Variants in TMPRSS13 observed in about 807,000 individuals in gnomAD.
TMPRSS13 encodes the protein transmembrane serine protease 13.
A neutral mutation model predicts 68.4 loss-of-function variants in TMPRSS13; 50 were observed. That is an observed-to-expected ratio of 0.73 (90% CI 0.58 to 0.93). The LOEUF (loss-of-function observed/expected upper bound fraction) is 0.93. Among genes scored for constraint, TMPRSS13 ranks in the 40% least tolerant of loss-of-function variants. TMPRSS13 has a pLI of 0.00. For missense variants in TMPRSS13, 615 were observed against 729.2 expected (o/e 0.84, Z 1.80); for synonymous variants, 267 against 285.8 (o/e 0.93, Z 0.66).
chr11:117,917,619 G>A (rs564012316), intron 2 of TMPRSS13, among the ~76,000 whole-genome samples: 5 of 152,300 alleles, frequency 3.3e-5, no homozygotes, highest in South Asian at 2.1e-4. Flanking sequence ...ACTGAGGTTC[G>A]TGGAAGTGAA....
In TMPRSS13 at chr11:117,914,463, C is replaced by T; in HGVS notation, c.608G>A (p.Ser203Asn). The T allele has an allele frequency of 6.2e-7, 1 of 1,614,086 alleles. No individual in the cohort carries two copies. The highest frequency in any genetic ancestry group is 8.5e-7 in the Non-Finnish European group (1 of 1,180,018). The change falls in exon 4 of 13, where the codon AGC becomes AAC. Residue 203 changes from serine (S) to asparagine (N), a missense_variant. Physicochemically the swap from Ser to Asn is conservative, Grantham distance 46. Coordinates refer to ENST00000524993, the MANE Select transcript of TMPRSS13 (RefSeq NM_001077263.3). This position sits in a 1 kb window ranked among gnomAD's most constrained non-coding sequence, Gnocchi z 4.2. ...TGIRYKEQRE[S>N]CPKHAVRCDG... ...ACAGCGAACAGCGTGCTTGGGACAG[C>T]TCTCCCTCTGCTCCTTGTACCTGAT...
intron 1 of TMPRSS13, among the ~76,000 whole-genome samples, chr11:117,928,450 AGT>A (rs2057728429): frequency 2.0e-5 from 3 of 152,196 alleles, no homozygotes; most frequent in Non-Finnish European, 4.4e-5. Context: ...TCCCAAACCC[AGT>A]GCTAGCCCAT....
At chr11:117,919,333 G>A (rs1049253868) in intron 1 of TMPRSS13, among the ~76,000 whole-genome samples, 2 of 152,222 alleles carry the variant, frequency 1.3e-5, no homozygotes, top group Admixed American at 6.5e-5. Context: ...AGCTGTAATC[G>A]CTAGTTAAGC....
In TMPRSS13 at chr11:117,901,758, G is replaced by A. The variant is rs374990962; in HGVS notation, c.*481C>T. 1.8e-3 allele frequency: 300 copies of A among 170,028 alleles called. 3 individuals carry two copies. Among genetic ancestry groups the A allele is most frequent in the African/African-American group, 5.9e-3 (251 of 42,428 alleles). 10.5% of individuals were successfully genotyped at this position (170,028 alleles called of 1,614,324 possible). ...AAGCCAACGGGAGCAGCTTTTCACC[G>A]AAGACGGTCCAGGCCCTGGGAAGCT... On this transcript the variant is annotated 3_prime_UTR_variant, in exon 13 of 13. Transcript: ENST00000524993.
chr11:117,905,482 A>T (rs1182833038), intron 10 of TMPRSS13, among the ~76,000 whole-genome samples, 156 bp downstream of exon 10: 28 of 152,080 alleles, frequency 1.8e-4, no homozygotes, highest in Non-Finnish European at 1.5e-5. Flanking sequence ...GTGTCTATAC[A>T]CACATAATCA....
In TMPRSS13 at chr11:117,909,364, C is replaced by T. The variant is rs576593942; in HGVS notation, c.1109+442G>A. On this transcript the variant is annotated intron_variant, in intron 8 of 12. Transcript: ENST00000524993. ...CCTGCCCACCAGCCTGGGCTGTGGG[C>T]CCCCAAAGACAATAGACCAGCTGGT... 2.0e-5 allele frequency among the ~76,000 whole-genome samples: 3 copies of T among 152,268 alleles called. No individual in the cohort carries two copies. In the East Asian group the frequency reaches 5.8e-4, roughly 29 times the overall value.
chr11:117,911,625 C>G (rs1424379431), intron 6 of TMPRSS13, 143 bp downstream of exon 6: 1 of 633,870 alleles, frequency 1.6e-6, no homozygotes, highest in African/African-American at 1.8e-5. Flanking sequence ...GGACTATTTC[C>G]AAGATGCCCC....
Position 117,905,633 on chromosome 11 carries a change from C to A in TMPRSS13, c.1381+5G>T. ...TACACACAACCAAGCATCTTTGCCT[C>A]TTACCATCTGTCTCCCTGGTCTTGC... On this transcript the variant is annotated splice_donor_5th_base_variant and intron_variant, in intron 10 of 12. Coordinates refer to ENST00000524993, the MANE Select transcript of TMPRSS13 (RefSeq NM_001077263.3). 1 of 1,592,754 alleles carries A rather than the reference C, an allele frequency of 6.3e-7. No homozygotes were observed. Among genetic ancestry groups the A allele is most frequent in the South Asian group, 1.1e-5 (1 of 87,990 alleles).
chr11:117,919,133 G>A (rs751476656), intron 1 of TMPRSS13, among the ~76,000 whole-genome samples: 6 of 152,166 alleles, frequency 3.9e-5, no homozygotes, highest in African/African-American at 9.7e-5. Context: ...CTTAGGCTAC[G>A]CATGTCTAGG....
rs942446447 is a variant in TMPRSS13, at chr11:117,917,109, C to G, written c.556+61G>C. On this transcript the variant is annotated intron_variant, in intron 3 of 12. Transcript: ENST00000524993. Reference sequence around the variant, plus strand: ...CTGTCTCCCCTGCCTGCCCCCATCCCTGGGTCCCACTCTGCCCAGCAGTGC... The same window carrying G: ...CTGTCTCCCCTGCCTGCCCCCATCCGTGGGTCCCACTCTGCCCAGCAGTGC... The G allele has an allele frequency of 2.8e-6, 4 of 1,418,018 alleles. No individual in the cohort carries two copies. In the African/African-American group the frequency reaches 4.2e-5, roughly 15 times the overall value. 87.8% of individuals were successfully genotyped at this position (1,418,018 alleles called of 1,614,324 possible). A position where few individuals can be genotyped will look rare whatever the true frequency, so the allele number is the denominator to read the frequency against.
chr11:117,922,609 A>G lies in TMPRSS13; in HGVS notation c.22-3771T>C, dbSNP rs1289847858. 6.6e-6 allele frequency among the ~76,000 whole-genome samples: 1 copy of G among 152,178 alleles called. No individual in the cohort carries two copies. Among genetic ancestry groups the G allele is most frequent in the South Asian group, 2.1e-4 (1 of 4,828 alleles). On this transcript the variant is annotated intron_variant, in intron 1 of 12. Coordinates refer to ENST00000524993, the MANE Select transcript of TMPRSS13 (RefSeq NM_001077263.3). The surrounding 1 kb of genome is among the most constrained non-coding windows in gnomAD (Gnocchi z 4.2). The stretch of plus-strand genomic sequence containing the variant: ...AGCTTCCCAAATCCTGGCCTTTGGC[A>G]GTGAGCCGAAGACTCAGAAGTGGAA...
At chr11:117,917,451 C>A (rs1274393664) in intron 2 of TMPRSS13, among the ~76,000 whole-genome samples, 177 bp from the exon 3 acceptor site, 2 of 152,140 alleles carry the variant, frequency 1.3e-5, no homozygotes, top group East Asian at 1.9e-4. Flanking sequence ...TGAATTTTGT[C>A]CCATCTGAAA....
In TMPRSS13 at chr11:117,922,149, A is replaced by G. The variant is rs1252083270; in HGVS notation, c.22-3311T>C. The stretch of plus-strand genomic sequence containing the variant: ...CTTGGAGAACAACTGCTGAGACTCT[A>G]GCCTCCCACCGCTGGCCTGATCTCA... On this transcript the variant is annotated intron_variant, in intron 1 of 12. Coordinates refer to ENST00000524993, the MANE Select transcript of TMPRSS13 (RefSeq NM_001077263.3). The surrounding 1 kb of genome is among the most constrained non-coding windows in gnomAD (Gnocchi z 4.2). Among the ~76,000 whole-genome samples the G allele has an allele frequency of 6.6e-6, 1 of 152,206 alleles. No individual in the cohort carries two copies. The highest frequency in any genetic ancestry group is 1.5e-5 in the Non-Finnish European group (1 of 68,026).
intron 1 of TMPRSS13, among the ~76,000 whole-genome samples, chr11:117,924,455 C>T (rs1271323245): frequency 6.6e-6 from 1 of 152,190 alleles, no homozygotes; most frequent in Non-Finnish European, 1.5e-5. Context: ...CCCTGGGCAT[C>T]AAGGGCGCCC....
At chr11:117,903,037 TA>T (rs1487481700) in intron 12 of TMPRSS13, 40 of 1,048,708 alleles carry the variant, frequency 3.8e-5, no homozygotes, top group Non-Finnish European at 4.4e-5. Flanking sequence ...TCAAAAAACA[TA>T]AAATAACTTT....
At position 117,902,128 on chromosome 11, in the gene TMPRSS13, G is replaced by A. The variant is rs2057414908; in HGVS notation, c.*111C>T. On this transcript the variant is annotated 3_prime_UTR_variant, in exon 13 of 13. Transcript: ENST00000524993. ...CAGAGGCAGCAGACAGTGGAGGTGG[G>A]AGTCCGATGGTGCCCGGTGGCCATT... The A allele has an allele frequency of 1.7e-6, 2 of 1,169,644 alleles. No individual in the cohort carries two copies. The highest frequency in any genetic ancestry group is 5.0e-5 in the East Asian group (2 of 40,138). 72.5% of individuals were successfully genotyped at this position (1,169,644 alleles called of 1,614,324 possible).
chr11:117,908,777 C>T lies in TMPRSS13; in HGVS notation c.1117G>A (p.Glu373Lys). The change falls in exon 9 of 13, where the codon GAG (glutamate) becomes AAG (lysine). Residue 373 changes from glutamate to lysine, a missense_variant. Coordinates refer to ENST00000524993, the MANE Select transcript of TMPRSS13 (RefSeq NM_001077263.3). ...TAAHCFFVTR[E>K]KVLEGWKVYA... is the part of the protein sequence containing the mutation. ...ACCTTCCAGCCCTCCAGGACCTTCTCCCGGGTCCTGCAAGAGCCACAAAGG... is the reference window on the plus strand; with the variant it reads ...ACCTTCCAGCCCTCCAGGACCTTCTTCCGGGTCCTGCAAGAGCCACAAAGG... 1.2e-6 allele frequency: 2 copies of T among 1,603,514 alleles called. No individual in the cohort carries two copies. The highest frequency in any genetic ancestry group is 1.7e-6 in the Non-Finnish European group (2 of 1,175,668).
Position 117,905,673 on chromosome 11 carries a change from C to T in TMPRSS13, c.1346G>A (p.Trp449Ter). The change falls in exon 10 of 13, where the codon TGG becomes TAG. Residue 449 changes from tryptophan (W) to a stop codon, truncating the protein, a stop_gained. Coordinates refer to ENST00000524993, the MANE Select transcript of TMPRSS13 (RefSeq NM_001077263.3). LOFTEE classifies it high-confidence loss of function. ...GQTFSLNETC[W>*]ITGFGKTRET... ...CCTGGTCTTGCCAAAGCCTGTGATC[C>T]AGCAGGTCTCATTGAGGCTAAAGGT... The T allele has an allele frequency of 1.9e-6, 3 of 1,605,558 alleles. No individual in the cohort carries two copies. Among genetic ancestry groups the T allele is most frequent in the Middle Eastern group, 1.7e-4 (1 of 6,048 alleles).
chr11:117,919,948 C>T (rs1402753634), intron 1 of TMPRSS13, among the ~76,000 whole-genome samples: 1 of 152,152 alleles, frequency 6.6e-6, no homozygotes, highest in Non-Finnish European at 1.5e-5. Flanking sequence ...GCCCCCTGGC[C>T]CTGCAGGGCC....
Sources: allele counts gnomAD v4.1 joint callset (sites outside exome capture counted in the v4.1 genomes callset), GRCh38; gene constraint gnomAD v4.1.1; non-coding constraint Gnocchi (gnomAD v3.1); transcripts MANE v1.5; gene names NCBI Gene and HGNC (gene_info 2026-07-23, HGNC 2026-07-21).